The following ZFHX3 variants were observed in gnomAD, a reference collection of about 807,000 sequenced individuals.
The protein encoded by ZFHX3 is zinc finger homeobox protein 3.
ZFHX3 carries 42 observed loss-of-function variants against 279.1 expected under a neutral mutation model. That is an observed-to-expected ratio of 0.15 (90% CI 0.12 to 0.19). ZFHX3 has a LOEUF of 0.19. Ranked by LOEUF, ZFHX3 falls within the 10% of genes least tolerant of loss-of-function variation. The pLI is 1.00. For synonymous variants in ZFHX3, 2,293 were observed against 1,957.8 expected (o/e 1.17, Z -4.52); for missense variants, 4,981 against 4,754.0 (o/e 1.05, Z -1.40).
chr16:73,174,683 C>T (rs1266814951), intron 5 of ZFHX3, among the ~76,000 whole-genome samples: 1 of 151,970 alleles, frequency 6.6e-6, no homozygotes, highest in Admixed American at 6.6e-5. Context: ...TGCCCCATTG[C>T]AGTCCGCTCA....
At position 72,787,149 on chromosome 16, in the gene ZFHX3, GTTCATC is replaced by G. The variant is rs1000737542; in HGVS notation, c.*9_*14del. 7.1e-7 allele frequency: 1 copy of G among 1,406,328 alleles called. No individual in the cohort carries two copies. The highest frequency in any genetic ancestry group is 1.5e-5 in the African/African-American group (1 of 65,568). The allele number at this position is 1,406,328 out of a possible 1,614,324, so 87.1% of individuals were successfully genotyped here. A position where few individuals can be genotyped will look rare whatever the true frequency, so the allele number is the denominator to read the frequency against. ...GTATTTAAATTCATTTGTTTGTATT[GTTCATC>G]TTCAAAGCTTACAATCTGAAGGTGT... On this transcript the variant is annotated 3_prime_UTR_variant, in exon 10 of 10. Transcript: ENST00000268489.
intron 5 of ZFHX3, among the ~76,000 whole-genome samples, chr16:73,234,330 G>A (rs571446996): frequency 6.6e-6 from 1 of 152,284 alleles, no homozygotes; most frequent in South Asian, 2.1e-4. Context: ...CTCACAATCA[G>A]TAAATGGCTG....
intron 3 of ZFHX3, among the ~76,000 whole-genome samples, chr16:73,404,411 C>G (rs2017318923): frequency 6.6e-6 from 1 of 152,174 alleles, no homozygotes; most frequent in Non-Finnish European, 1.5e-5. Context: ...TGCACTCTAT[C>G]TGCGCAGAGG....
intron 1 of ZFHX3, among the ~76,000 whole-genome samples, chr16:73,003,448 G>T (rs2144602059): frequency 6.6e-6 from 1 of 152,108 alleles, no homozygotes; most frequent in African/African-American, 2.4e-5. Context: ...AGCACTTTGG[G>T]AGGCCAAGGT....
rs35770364 is a variant in ZFHX3, at chr16:73,591,822, T to TA, written c.-1547+88357dup. Among the ~76,000 whole-genome samples, 48 of 150,282 alleles carry TA rather than the reference T, an allele frequency of 3.2e-4. 1 individual carries two copies. The highest frequency in any genetic ancestry group is 8.5e-4 in the African/African-American group (35 of 40,936). ...TGTGGATCTTGATTCAAGGAAATGG[T>TA]AAAAAAAAAAAATTGAGACAATTGG... On this transcript the variant is annotated intron_variant, in intron 2 of 17. Coordinates refer to the ZFHX3 transcript ENST00000641206.
intron 1 of ZFHX3, among the ~76,000 whole-genome samples, chr16:73,698,386 G>A (rs1326558506): frequency 6.6e-6 from 1 of 152,144 alleles, no homozygotes; most frequent in Non-Finnish European, 1.5e-5. Flanking sequence ...TTAGAGGTAA[G>A]GCCCACTTAT....
intron 3 of ZFHX3, among the ~76,000 whole-genome samples, chr16:73,409,218 C>T (rs1334698695): frequency 6.6e-6 from 1 of 152,174 alleles, no homozygotes; most frequent in Admixed American, 6.5e-5. Flanking sequence ...ATGTCCTGAC[C>T]TTTAAAAGCT....
chr16:73,395,283 G>A (rs2017104437), intron 3 of ZFHX3, among the ~76,000 whole-genome samples: 1 of 152,190 alleles, frequency 6.6e-6, no homozygotes, highest in South Asian at 2.1e-4. Flanking sequence ...GGCCAACATG[G>A]AGAAACCCTG....
intron 5 of ZFHX3, among the ~76,000 whole-genome samples, chr16:73,218,589 CAA>C (rs2012296080): frequency 6.6e-6 from 1 of 152,090 alleles, no homozygotes; most frequent in Non-Finnish European, 1.5e-5. Flanking sequence ...GCCAACATGG[CAA>C]AACCCTGTCT....
intron 1 of ZFHX3, among the ~76,000 whole-genome samples, chr16:72,964,032 T>C (rs1466759278): frequency 2.0e-5 from 3 of 152,128 alleles, no homozygotes; most frequent in Admixed American, 6.5e-5. Context: ...CCATGCGGGA[T>C]CACTCAAGAG....
rs758717997 is a variant in ZFHX3 at position 72,957,865 on chromosome 16, C to G, written c.2281G>C (p.Gly761Arg). The change falls in exon 2 of 10, where the codon GGG becomes CGG. Residue 761 changes from glycine (G) to arginine (R), a missense_variant. Transcript: ENST00000268489. ...GTGTGGCTGAAGACCTGCTCCCCCC[C>G]TCCATTCTGCAGGTTCTGCATGTTG... ...LNNMQNLQNG[G>R]GEQVFSHTAG... is the part of the protein sequence containing the mutation. 4 of 1,614,074 alleles carry G rather than the reference C, an allele frequency of 2.5e-6. No homozygotes were observed. Among genetic ancestry groups the G allele is most frequent in the Non-Finnish European group, 1.7e-6 (2 of 1,180,040 alleles).
intron 6 of ZFHX3, among the ~76,000 whole-genome samples, chr16:73,135,855 T>A (rs1185882044): frequency 6.8e-6 from 1 of 147,992 alleles, no homozygotes; most frequent in East Asian, 2.0e-4. Context: ...TTCACTTATT[T>A]ATATTCTTTT....
intron 5 of ZFHX3, among the ~76,000 whole-genome samples, chr16:73,165,809 A>C (rs1236995987): frequency 6.6e-6 from 1 of 152,220 alleles, no homozygotes; most frequent in African/African-American, 2.4e-5. Flanking sequence ...AAAGAAAAAG[A>C]AGCCCTGGGT....
chr16:72,802,120 A>T (rs1260108181), intron 7 of ZFHX3, among the ~76,000 whole-genome samples: 2 of 152,184 alleles, frequency 1.3e-5, no homozygotes. Flanking sequence ...CATTACAGTA[A>T]GGCAGACATC....
At chr16:73,279,684 C>G (rs557744177) in intron 4 of ZFHX3, among the ~76,000 whole-genome samples, 1 of 152,174 alleles carries the variant, frequency 6.6e-6, no homozygotes, top group African/African-American at 2.4e-5. Flanking sequence ...TTGGCAGGCA[C>G]TAGAACCCAT....
intron 4 of ZFHX3, among the ~76,000 whole-genome samples, chr16:73,285,940 C>CTTTTTTTTTTT: frequency 1.3e-5 from 2 of 152,288 alleles, no homozygotes; most frequent in South Asian, 4.1e-4. Context: ...AGATTGTTTG[C>CTTTTTTTTTTT]ATATATTATA....
chr16:73,798,542 C>A (rs1373544699), intron 1 of ZFHX3, among the ~76,000 whole-genome samples: 1 of 151,350 alleles, frequency 6.6e-6, no homozygotes, highest in Non-Finnish European at 1.5e-5. Flanking sequence ...CCCGTCTTCC[C>A]AAAGCTTCAG....
intron 1 of ZFHX3, among the ~76,000 whole-genome samples, chr16:73,846,909 T>A (rs565109181): frequency 1.3e-5 from 2 of 152,346 alleles, no homozygotes; most frequent in African/African-American, 4.8e-5. Flanking sequence ...GCCCTTTTTT[T>A]ATTTTAAACT....
At position 73,559,570 on chromosome 16, in the gene ZFHX3, C is replaced by T. The variant is rs147639060; in HGVS notation, c.-1546-103312G>A. On this transcript the variant is annotated intron_variant, in intron 2 of 17. Coordinates refer to the ZFHX3 transcript ENST00000641206. ...GAACAATGGAAATGAAGGTGCACAT[C>T]CCTCTCTCGGGTCCGGTTGCTGCAT... Among the ~76,000 whole-genome samples, 215 of 152,286 alleles carry T rather than the reference C, an allele frequency of 1.4e-3. 1 individual carries two copies. Among genetic ancestry groups the T allele is most frequent in the African/African-American group, 4.5e-3 (188 of 41,562 alleles).
Sources: gnomAD v4.1 joint callset for allele counts (sites outside exome capture counted in the v4.1 genomes callset) on GRCh38, gnomAD v4.1.1 for gene constraint, MANE v1.5 for transcripts, NCBI Gene and HGNC (gene_info 2026-07-23, HGNC 2026-07-21) for gene names.